The following NLRP3 variants were observed in gnomAD, a reference collection of about 807,000 sequenced individuals.
The protein encoded by NLRP3 is NLR family pyrin domain containing 3.
In NLRP3, 48 loss-of-function variants were observed where a neutral mutation model predicts 91.3. That is an observed-to-expected ratio of 0.53 (90% CI 0.42 to 0.67). The LOEUF (loss-of-function observed/expected upper bound fraction) is 0.67. NLRP3 is among the 30% of genes least tolerant of loss of function. The probability of loss-of-function intolerance (pLI) is 0.00; values close to 1 mark genes in which losing one functional copy is unlikely to be tolerated. For synonymous variants in NLRP3, 561 were observed against 507.9 expected (o/e 1.10, Z -1.41); for missense variants, 982 against 1,276.9 (o/e 0.77, Z 3.52).
At chr1:247,430,093 C>A (rs1227928661) in intron 5 of NLRP3, among the ~76,000 whole-genome samples, 2 of 152,068 alleles carry the variant, frequency 1.3e-5, no homozygotes, top group Non-Finnish European at 2.9e-5. Context: ...CCAGGCTAGT[C>A]TCGAAGTCCT....
intron 5 of NLRP3, among the ~76,000 whole-genome samples, chr1:247,430,783 T>C (rs1422699254): frequency 6.6e-6 from 1 of 152,000 alleles, no homozygotes; most frequent in Non-Finnish European, 1.5e-5. Context: ...CTTTTTTTTT[T>C]TTTCTTTGAG....
chr1:247,438,122 T>A (rs1459287015), intron 7 of NLRP3, among the ~76,000 whole-genome samples: 2 of 152,220 alleles, frequency 1.3e-5, no homozygotes, highest in Admixed American at 1.3e-4. Flanking sequence ...TGCCTCTCAG[T>A]TCAGGAGGCC....
At chr1:247,423,618 T>G (rs4925651) in intron 3 of NLRP3, among the ~76,000 whole-genome samples, 141,249 of 152,090 alleles carry the variant, frequency 0.93, 65,778 homozygotes, top group East Asian at 1. Context: ...TTGATTCAAA[T>G]GATCTTTGGG....
At position 247,432,239 on chromosome 1, in the gene NLRP3, C is replaced by T. The variant is rs1471448825; in HGVS notation, c.2322-1864C>T. Among the ~76,000 whole-genome samples, 6 of 152,222 alleles carry T rather than the reference C, an allele frequency of 3.9e-5. No homozygotes were observed. In the East Asian group the frequency reaches 1.2e-3, roughly 29 times the overall value. ...TGTACCCAATAAATAATTTTCCAGC[C>T]CTCACCTGGCTCCCACCCTCCCACC... On this transcript the variant is annotated intron_variant, in intron 5 of 9. Coordinates refer to ENST00000336119, the MANE Select transcript of NLRP3 (RefSeq NM_001243133.2).
At chr1:247,420,773 G>A (rs4925650) in intron 2 of NLRP3, among the ~76,000 whole-genome samples, 53,100 of 151,988 alleles carry the variant, frequency 0.35, 10,561 homozygotes, top group East Asian at 0.47. Flanking sequence ...CCCCTCTCAC[G>A]GTAGTGCTAT....
intron 7 of NLRP3, among the ~76,000 whole-genome samples, chr1:247,442,463 G>A (rs891571853): frequency 6.6e-6 from 1 of 152,110 alleles, no homozygotes; most frequent in Non-Finnish European, 1.5e-5. Flanking sequence ...GTGATAGAAT[G>A]GGCTTAATTT....
In NLRP3 at chr1:247,448,646, C is replaced by A; in HGVS notation, c.*142C>A. On this transcript the variant is annotated 3_prime_UTR_variant, in exon 10 of 10. Coordinates refer to ENST00000336119, the MANE Select transcript of NLRP3 (RefSeq NM_001243133.2). ...TGGAGTGTCGGAGAAGAGAGCTTGC[C>A]GACGATGCCTTCCTGTGCAGAGCTT... is the stretch of plus-strand genomic sequence containing the variant. 2.8e-6 allele frequency: 2 copies of A among 704,432 alleles called. No homozygotes were observed. Among genetic ancestry groups the A allele is most frequent in the Middle Eastern group, 3.1e-4 (1 of 3,208 alleles). 43.6% of individuals were successfully genotyped at this position (704,432 alleles called of 1,614,324 possible).
chr1:247,439,385 G>A (rs765436967), intron 7 of NLRP3, among the ~76,000 whole-genome samples: 1 of 152,150 alleles, frequency 6.6e-6, no homozygotes, highest in Non-Finnish European at 1.5e-5. Context: ...ATCTGTTCAT[G>A]CTTCTCTTTG....
intron 7 of NLRP3, chr1:247,443,768 A>G: frequency 1.6e-6 from 1 of 608,664 alleles, no homozygotes; most frequent in East Asian, 2.9e-5. Context: ...ACAGCAAAGC[A>G]TCTGCTGAGA....
chr1:247,428,888 T>G (rs923564002), intron 4 of NLRP3, among the ~76,000 whole-genome samples: 3 of 102,422 alleles, frequency 2.9e-5, no homozygotes, highest in African/African-American at 1.0e-4. Flanking sequence ...GCTTGCGATT[T>G]TCTTTTTCTT....
chr1:247,442,637 T>G (rs1049425198), intron 7 of NLRP3, among the ~76,000 whole-genome samples: 6 of 152,132 alleles, frequency 3.9e-5, no homozygotes, highest in Non-Finnish European at 7.4e-5. Flanking sequence ...CAGGTCTGGA[T>G]CCCTCCCCAC....
In NLRP3 at chr1:247,418,340, C is replaced by T. The variant is rs201987078; in HGVS notation, c.-461C>T. 25 of 208,154 alleles carry T rather than the reference C, an allele frequency of 1.2e-4. No individual in the cohort carries two copies. The highest frequency in any genetic ancestry group is 1.4e-4 in the Non-Finnish European group (14 of 100,996). 12.9% of individuals were successfully genotyped at this position (208,154 alleles called of 1,614,324 possible). A position where few individuals can be genotyped will look rare whatever the true frequency, so the allele number is the denominator to read the frequency against. The stretch of plus-strand genomic sequence containing the variant: ...TTTTTGAGATGGAGTCTTGCTGTGT[C>T]GCCTAGGCTGGAGTGCAGTGGCGTG... On this transcript the variant is annotated 5_prime_UTR_variant, in exon 2 of 10. Transcript: ENST00000336119.
chr1:247,444,895 AG>A (rs1385734405), intron 9 of NLRP3, 74 bp downstream of exon 9: 1 of 1,503,610 alleles, frequency 6.7e-7, no homozygotes, highest in East Asian at 2.3e-5. Context: ...ATCAAAATCC[AG>A]GATGGCTCTC....
At chr1:247,423,440 T>A in intron 3 of NLRP3, 91 bp downstream of exon 3, 1 of 1,454,816 alleles carries the variant, frequency 6.9e-7, no homozygotes, top group Non-Finnish European at 9.6e-7. Flanking sequence ...TTGGCCATAC[T>A]ATAGGTTCCT....
chr1:247,439,102 G>C (rs907693753), intron 7 of NLRP3, among the ~76,000 whole-genome samples: 2 of 150,440 alleles, frequency 1.3e-5, no homozygotes, highest in East Asian at 3.9e-4. Flanking sequence ...AACATATATT[G>C]GTTGCTAATT....
chr1:247,433,732 TCC>T (rs1663529219), intron 5 of NLRP3, among the ~76,000 whole-genome samples: 1 of 144,240 alleles, frequency 6.9e-6, no homozygotes, highest in Non-Finnish European at 1.5e-5. Context: ...GTCAGGTGTG[TCC>T]TGATGCTTTC....
intron 5 of NLRP3, among the ~76,000 whole-genome samples, chr1:247,433,585 G>A (rs1054851929): frequency 2.6e-5 from 4 of 152,122 alleles, no homozygotes; most frequent in Admixed American, 6.5e-5. Flanking sequence ...GCTGTATTCC[G>A]GAGCTCTCTG....
chr1:247,439,783 T>C (rs1664074263), intron 7 of NLRP3, among the ~76,000 whole-genome samples: 2 of 152,210 alleles, frequency 1.3e-5, no homozygotes, highest in Admixed American at 6.5e-5. Context: ...CTGATTTGTG[T>C]AGATCTATCG....
chr1:247,419,410 C>A (rs1172292918), intron 2 of NLRP3, among the ~76,000 whole-genome samples: 1 of 152,118 alleles, frequency 6.6e-6, no homozygotes, highest in Admixed American at 6.5e-5. Context: ...CCGCCTCGGC[C>A]TCGCAAAGTG....
Sources: gnomAD v4.1 joint callset for allele counts (sites outside exome capture counted in the v4.1 genomes callset) on GRCh38, gnomAD v4.1.1 for gene constraint, MANE v1.5 for transcripts, NCBI Gene and HGNC (gene_info 2026-07-23, HGNC 2026-07-21) for gene names.